The following UNC13C variants were observed in gnomAD, a reference collection of about 807,000 sequenced individuals.
UNC13C encodes protein unc-13 homolog C.
Under a neutral mutation model 245.4 loss-of-function variants are expected in UNC13C, and 174 were observed. That is an observed-to-expected ratio of 0.71 (90% confidence interval 0.63 to 0.80). The LOEUF (loss-of-function observed/expected upper bound fraction) is 0.80, where lower values mean the gene tolerates loss of function less well. UNC13C is among the 30% of genes least tolerant of loss of function. The pLI, the probability that UNC13C is intolerant of heterozygous loss-of-function variation, is 0.00. For synonymous variants in UNC13C, 992 were observed against 895.1 expected, an observed-to-expected ratio of 1.11 and a Z score of -1.93; for missense variants, 2,829 against 2,602.9, an observed-to-expected ratio of 1.09 and a Z score of -1.89.
At chr15:54,480,303 G>A (rs1893032621) in intron 19 of UNC13C, among the ~76,000 whole-genome samples, 1 of 151,100 alleles carries the variant, frequency 6.6e-6, no homozygotes, top group Admixed American at 6.6e-5. Context: ...ATATAAAATG[G>A]TTTTCTATTC....
chr15:54,361,657 C>G (rs1470191729), intron 17 of UNC13C, among the ~76,000 whole-genome samples: 3 of 152,120 alleles, frequency 2.0e-5, no homozygotes, highest in Non-Finnish European at 4.4e-5. Flanking sequence ...TACTTAGTAC[C>G]AAAAGTTAAT....
At chr15:54,136,395 G>GT (rs1019571222) in intron 2 of UNC13C, among the ~76,000 whole-genome samples, 10 of 152,034 alleles carry the variant, frequency 6.6e-5, no homozygotes, top group African/African-American at 2.2e-4. Context: ...TTAGTGTATA[G>GT]TTTTTTTATC....
At chr15:54,215,228 T>G (rs1356090752) in intron 4 of UNC13C, among the ~76,000 whole-genome samples, 1 of 151,964 alleles carries the variant, frequency 6.6e-6, no homozygotes, top group Non-Finnish European at 1.5e-5. Flanking sequence ...AGCCTACCAT[T>G]GAGAAAACCT....
chr15:54,080,817 T>C (rs1186818973), intron 2 of UNC13C, among the ~76,000 whole-genome samples: 1 of 152,070 alleles, frequency 6.6e-6, no homozygotes, highest in African/African-American at 2.4e-5. Flanking sequence ...CACAATTCCA[T>C]TTAATCTTTG....
the UNC13C span, among the ~76,000 whole-genome samples, chr15:53,843,967 A>G: frequency 6.6e-6 from 1 of 152,214 alleles, no homozygotes; most frequent in Non-Finnish European, 1.5e-5. Flanking sequence ...GACGGAGTTT[A>G]AAATCTTTTC....
At chr15:54,152,370 A>G (rs1202803981) in intron 4 of UNC13C, among the ~76,000 whole-genome samples, 3 of 152,208 alleles carry the variant, frequency 2.0e-5, no homozygotes, top group Non-Finnish European at 4.4e-5. Context: ...ATTGTATTGA[A>G]ACACATTTCC....
intron 2 of UNC13C, among the ~76,000 whole-genome samples, chr15:54,046,579 C>T (rs1378515898): frequency 6.6e-6 from 1 of 151,664 alleles, no homozygotes; most frequent in Non-Finnish European, 1.5e-5. Flanking sequence ...GGGTTTTTTC[C>T]TTCAAACTTT....
intron 30 of UNC13C, among the ~76,000 whole-genome samples, chr15:54,621,180 A>G (rs925303466): frequency 2.6e-5 from 4 of 152,178 alleles, no homozygotes; most frequent in African/African-American, 7.2e-5. Flanking sequence ...GTCTTTCAGA[A>G]TCTTTTGTTC....
chr15:54,472,637 T>C (rs934143818), intron 19 of UNC13C, among the ~76,000 whole-genome samples: 2 of 151,878 alleles, frequency 1.3e-5, no homozygotes, highest in Non-Finnish European at 2.9e-5. Flanking sequence ...CCTTCCTTTT[T>C]TCTGAAAAAC....
intron 22 of UNC13C, among the ~76,000 whole-genome samples, chr15:54,503,332 T>A (rs1427332042): frequency 6.6e-6 from 1 of 152,142 alleles, no homozygotes; most frequent in African/African-American, 2.4e-5. Context: ...ACTCTTGCAG[T>A]AACTTACTAT....
intron 17 of UNC13C, among the ~76,000 whole-genome samples, chr15:54,351,368 T>C (rs2038978875): frequency 6.6e-6 from 1 of 152,142 alleles, no homozygotes; most frequent in Admixed American, 6.5e-5. Context: ...ACTTTTTAGT[T>C]TTTCTTTTTA....
At chr15:54,067,284 C>T (rs1396850709) in intron 2 of UNC13C, among the ~76,000 whole-genome samples, 3 of 152,058 alleles carry the variant, frequency 2.0e-5, no homozygotes, top group African/African-American at 7.2e-5. Context: ...TCTTTTAATC[C>T]TTTATTTTAT....
chr15:53,977,710 G>T (rs765664136), upstream of UNC13C, among the ~76,000 whole-genome samples: 3 of 152,110 alleles, frequency 2.0e-5, no homozygotes, highest in Non-Finnish European at 4.4e-5. Flanking sequence ...ATGCTTTATT[G>T]ATGGAAAGTG....
chr15:53,855,782 G>T, the UNC13C span, among the ~76,000 whole-genome samples: 2 of 152,134 alleles, frequency 1.3e-5, no homozygotes, highest in African/African-American at 2.4e-5. Context: ...CTAGGTTTTT[G>T]TATCAGGATG....
chr15:54,572,131 A>G (rs1897783000), intron 30 of UNC13C, among the ~76,000 whole-genome samples: 2 of 152,022 alleles, frequency 1.3e-5, no homozygotes, highest in African/African-American at 4.8e-5. Context: ...CAGGTGGCTA[A>G]AAAGCAGGGT....
At chr15:54,214,464 CTAA>C (rs2034979265) in intron 4 of UNC13C, among the ~76,000 whole-genome samples, 1 of 151,750 alleles carries the variant, frequency 6.6e-6, no homozygotes, top group Admixed American at 6.6e-5. Context: ...GAAACATTGT[CTAA>C]TAATAAGAGG....
chr15:54,362,012 A>C (rs374964521), intron 17 of UNC13C, among the ~76,000 whole-genome samples: 1 of 22 alleles, frequency 0.045, no homozygotes, highest in Non-Finnish European at 0.25. Flanking sequence ...CTGGGTTTGT[A>C]AAAAAATATG....
In UNC13C at chr15:54,351,908, G is replaced by A. The variant is rs1415910553; in HGVS notation, c.4713+13419G>A. ...TCTCTAAAATAATGCAATATCTTTT[G>A]TCTCTACTTCAGAGGTAGTAGAACT... On this transcript the variant is annotated intron_variant, in intron 17 of 32. Coordinates refer to ENST00000260323, the MANE Select transcript of UNC13C (RefSeq NM_001080534.3). Among the ~76,000 whole-genome samples, 7 of 151,846 alleles carry A rather than the reference G, an allele frequency of 4.6e-5. No individual in the cohort carries two copies. The East Asian group carries it at 9.7e-4, about 21-fold the overall frequency.
intron 2 of UNC13C, among the ~76,000 whole-genome samples, chr15:54,084,911 G>T (rs2141124448): frequency 6.6e-6 from 1 of 152,292 alleles, no homozygotes; most frequent in Middle Eastern, 3.4e-3. Context: ...GCATTCAAAA[G>T]TAGTGGTGTG....
Sources: gnomAD v4.1 joint callset for allele counts (sites outside exome capture counted in the v4.1 genomes callset) on GRCh38, gnomAD v4.1.1 for gene constraint, MANE v1.5 for transcripts, NCBI Gene and HGNC (gene_info 2026-07-23, HGNC 2026-07-21) for gene names.